CHRDL1: variants seen among roughly 807,000 people sequenced by gnomAD.
The protein encoded by CHRDL1 is chordin like 1, also known as chordin-like protein 1.
A neutral mutation model predicts 40.9 loss-of-function variants in CHRDL1; 19 were observed. That is an observed-to-expected ratio of 0.46 (90% CI 0.32 to 0.68). The LOEUF (loss-of-function observed/expected upper bound fraction) is 0.68, where lower values mean the gene tolerates loss of function less well. Ranked by LOEUF, CHRDL1 falls within the 30% of genes least tolerant of loss-of-function variation. The pLI, the probability that CHRDL1 is intolerant of heterozygous loss-of-function variation, is 0.03. For missense variants in CHRDL1, 329 were observed against 352.1 expected, an observed-to-expected ratio of 0.93 and a Z score of 0.53; for synonymous variants, 136 against 123.4, an observed-to-expected ratio of 1.10 and a Z score of -0.68.
At position 110,737,817 on chromosome X, in the gene CHRDL1, A is replaced by C. The variant is rs758885653; in HGVS notation, c.302-16287T>G. ...GTCAAATACAGAACAGGATTCTGGGAAAGTGAGGGTATCTACCCCCAATTA... is the reference window on the plus strand; with the variant it reads ...GTCAAATACAGAACAGGATTCTGGGCAAGTGAGGGTATCTACCCCCAATTA... On this transcript the variant is annotated intron_variant, in intron 4 of 11. Transcript: ENST00000372042. 1.6e-4 allele frequency among the ~76,000 whole-genome samples: 18 copies of C among 110,175 alleles called. No individual in the cohort carries two copies. In the South Asian group the frequency reaches 2.7e-3, roughly 16 times the overall value.
intron 6 of CHRDL1, among the ~76,000 whole-genome samples, chrX:110,712,963 C>G (rs945749067): frequency 9.4e-6 from 1 of 106,910 alleles, no homozygotes; most frequent in African/African-American, 3.8e-5. Flanking sequence ...TAGACCCCTA[C>G]AGCCTGGGGA....
chrX:110,742,549 T>C (rs1223588778), intron 4 of CHRDL1, among the ~76,000 whole-genome samples: 2 of 112,750 alleles, frequency 1.8e-5, no homozygotes, highest in African/African-American at 3.2e-5. Flanking sequence ...GCCTATTTTG[T>C]GCCTTGGCAG....
chrX:110,686,463 A>T, intron 9 of CHRDL1, among the ~76,000 whole-genome samples: 1 of 111,515 alleles, frequency 9.0e-6, no homozygotes, highest in Non-Finnish European at 1.9e-5. Flanking sequence ...TTGTTGCATT[A>T]CTTTTTAAAC....
chrX:110,775,823 G>T (rs929742501), intron 2 of CHRDL1, among the ~76,000 whole-genome samples: 19 of 109,321 alleles, frequency 1.7e-4, no homozygotes, highest in African/African-American at 6.0e-4. Context: ...GTCTTCTCTG[G>T]TTTTAACTGA....
chrX:110,757,158 A>G (rs1463023933), intron 4 of CHRDL1, among the ~76,000 whole-genome samples: 1 of 111,120 alleles, frequency 9.0e-6, no homozygotes, highest in Non-Finnish European at 1.9e-5. Context: ...TAAAGGATAA[A>G]TTAAATGAGA....
At chrX:110,682,238 C>A (rs1203531971) in intron 9 of CHRDL1, among the ~76,000 whole-genome samples, 1 of 112,218 alleles carries the variant, frequency 8.9e-6, no homozygotes, top group Non-Finnish European at 1.9e-5. Context: ...GTAAGGGGAA[C>A]AATAATACCG....
At chrX:110,766,365 G>T (rs1267108954) in intron 2 of CHRDL1, among the ~76,000 whole-genome samples, 1 of 110,666 alleles carries the variant, frequency 9.0e-6, no homozygotes, top group Non-Finnish European at 1.9e-5. Context: ...AGAACTAAAT[G>T]AAATTGAAAC....
In CHRDL1 at chrX:110,674,257, G is replaced by A. The variant is rs1258168890; in HGVS notation, c.*1974C>T. On this transcript the variant is annotated 3_prime_UTR_variant, in exon 12 of 12. Coordinates refer to ENST00000372042, the MANE Select transcript of CHRDL1 (RefSeq NM_001143981.2). ...GGTGTGTCCCAGCACCTGGAGGCAG[G>A]AGTATATCTAGGGAAACTCTCTGCG... 9.0e-6 allele frequency: 1 copy of A among 111,034 alleles called. No individual in the cohort carries two copies. Among genetic ancestry groups the A allele is most frequent in the East Asian group, 2.8e-4 (1 of 3,531 alleles). 9.2% of individuals were successfully genotyped at this position (111,034 alleles called of 1,213,427 possible).
intron 2 of CHRDL1, among the ~76,000 whole-genome samples, chrX:110,782,388 T>A (rs2148531968): frequency 8.9e-6 from 1 of 112,230 alleles, no homozygotes; most frequent in South Asian, 3.8e-4. Context: ...ATCTTGTAGC[T>A]TTAGAACCAA....
At chrX:110,779,440 C>A (rs1239612141) in intron 2 of CHRDL1, among the ~76,000 whole-genome samples, 2 of 111,349 alleles carry the variant, frequency 1.8e-5, no homozygotes, top group African/African-American at 6.5e-5. Context: ...CCCAGTTGTT[C>A]CAGCACCCAT....
intron 1 of CHRDL1, among the ~76,000 whole-genome samples, chrX:110,793,520 G>GT (rs1402854302): frequency 2.7e-5 from 3 of 111,824 alleles, no homozygotes; most frequent in African/African-American, 9.8e-5. Context: ...CCCTCTGTGA[G>GT]TTTGTGGCCC....
chrX:110,789,868 T>G (rs1488757551), intron 2 of CHRDL1, among the ~76,000 whole-genome samples: 1 of 111,986 alleles, frequency 8.9e-6, no homozygotes, highest in Non-Finnish European at 1.9e-5. Context: ...TATATTAATT[T>G]TATAATTTAA....
chrX:110,774,620 T>C (rs1370350090), intron 2 of CHRDL1, among the ~76,000 whole-genome samples: 2 of 111,552 alleles, frequency 1.8e-5, no homozygotes, highest in South Asian at 7.7e-4. Flanking sequence ...AATGATAGTG[T>C]ATTGTAGTCA....
chrX:110,721,965 C>T (rs1569472074), intron 4 of CHRDL1, among the ~76,000 whole-genome samples: 1 of 111,944 alleles, frequency 8.9e-6, no homozygotes, highest in Non-Finnish European at 1.9e-5. Context: ...GAAGGGGACC[C>T]ATCTATTATA....
intron 9 of CHRDL1, among the ~76,000 whole-genome samples, chrX:110,686,443 T>C (rs1424325788): frequency 9.0e-6 from 1 of 111,709 alleles, no homozygotes; most frequent in Non-Finnish European, 1.9e-5. Flanking sequence ...AGTTTTTGTC[T>C]GAAATTATCT....
At chrX:110,763,158 A>T (rs972970448) in intron 2 of CHRDL1, among the ~76,000 whole-genome samples, 1 of 111,167 alleles carries the variant, frequency 9.0e-6, no homozygotes, top group Non-Finnish European at 1.9e-5. Context: ...TTATTGGGGT[A>T]CAGGTGGTAT....
At chrX:110,700,578 G>C (rs1321272761) in intron 7 of CHRDL1, 76 bp downstream of exon 7, 4 of 709,622 alleles carry the variant, frequency 5.6e-6, no homozygotes, top group Non-Finnish European at 8.9e-6. Flanking sequence ...GGATTTGCTA[G>C]AATAGTAGCC....
chrX:110,759,301 T>C (rs1401006985), intron 4 of CHRDL1, among the ~76,000 whole-genome samples: 1 of 112,109 alleles, frequency 8.9e-6, no homozygotes, highest in African/African-American at 3.2e-5. Context: ...CCAGCACTAA[T>C]TGTATAAGAC....
At chrX:110,698,486 G>A (rs1344300588) in intron 7 of CHRDL1, among the ~76,000 whole-genome samples, 1 of 111,750 alleles carries the variant, frequency 8.9e-6, no homozygotes, top group African/African-American at 3.3e-5. Context: ...ATCCCTTTTA[G>A]AACAAAGGGA....
Sources: allele counts gnomAD v4.1 joint callset (sites outside exome capture counted in the v4.1 genomes callset), GRCh38; gene constraint gnomAD v4.1.1; transcripts MANE v1.5; gene names NCBI Gene and HGNC (gene_info 2026-07-23, HGNC 2026-07-21).